Variants in WASF1 observed in about 807,000 individuals in gnomAD.
WASF1 encodes WASP family member 1, also known as actin-binding protein WASF1.
In WASF1, 7 loss-of-function variants were observed where a neutral mutation model predicts 50.5. The observed-to-expected ratio is 0.14, with a 90% CI of 0.08 to 0.26. WASF1 has a LOEUF of 0.26. WASF1 is among the 10% of genes least tolerant of loss of function. The probability of loss-of-function intolerance (pLI) is 1.00; values close to 1 mark genes in which losing one functional copy is unlikely to be tolerated. For synonymous variants in WASF1, 205 were observed against 244.0 expected (o/e 0.84, Z 1.49); for missense variants, 470 against 694.7 (o/e 0.68, Z 3.64).
chr6:110,105,667 C>T (rs778764165), intron 7 of WASF1, 88 bp from the exon 8 acceptor site: 11 of 1,243,610 alleles, frequency 8.8e-6, no homozygotes, highest in Non-Finnish European at 1.2e-5. Context: ...ACTCTAACAT[C>T]AACACTGAAA....
chr6:110,100,708 T>G (rs746861350), intron 10 of WASF1, 29 bp from the exon 11 acceptor site: 1 of 1,570,756 alleles, frequency 6.4e-7, no homozygotes, highest in African/African-American at 1.4e-5. Context: ...ACCATTCATT[T>G]AAATCAAAAT....
chr6:110,105,517 C>G lies in WASF1; in HGVS notation c.603G>C (p.Arg201=). ...CTTGGGCCAGCTTCTGCCATTCTCG[C>G]CGCCTGTCATGAGGTGCTCTTGGCA... ...EKVPRAPHDR[R]REWQKLAQGP... is the part of the protein sequence containing the mutation. Residue 201 remains arginine, a synonymous_variant, in exon 8 of 11, where the codon CGG becomes CGC. Coordinates refer to ENST00000392589, the MANE Select transcript of WASF1 (RefSeq NM_003931.3). 6.2e-7 allele frequency: 1 copy of G among 1,614,054 alleles called. No homozygotes were observed. Among genetic ancestry groups the G allele is most frequent in the South Asian group, 1.1e-5 (1 of 91,084 alleles).
At chr6:110,138,340 G>T (rs997944361) in intron 3 of WASF1, among the ~76,000 whole-genome samples, 5 of 152,260 alleles carry the variant, frequency 3.3e-5, no homozygotes, top group Admixed American at 2.0e-4. Flanking sequence ...GAAGCTCCTA[G>T]GTCTGGGATC....
intron 4 of WASF1, among the ~76,000 whole-genome samples, chr6:110,117,390 T>C (rs1013823329): frequency 1.1e-4 from 17 of 152,002 alleles, no homozygotes; most frequent in African/African-American, 4.1e-4. Context: ...GCTGATTTGA[T>C]CAAGTGGAAG....
chr6:110,110,584 C>G (rs1425121612), intron 5 of WASF1, among the ~76,000 whole-genome samples: 1 of 152,152 alleles, frequency 6.6e-6, no homozygotes, highest in Non-Finnish European at 1.5e-5. Flanking sequence ...TATTAACAGA[C>G]TATTGTGGTG....
chr6:110,101,729 T>C lies in WASF1; in HGVS notation c.1381A>G (p.Thr461Ala), dbSNP rs752594088. The C allele has an allele frequency of 2.5e-6, 4 of 1,613,946 alleles. No individual in the cohort carries two copies. In the Admixed American group the frequency reaches 6.7e-5, roughly 27 times the overall value. Residue 461 changes from threonine (T) to alanine (A), a missense_variant, in exon 10 of 11, where the codon ACT becomes GCT. Thr to Ala is a moderately conservative substitution (Grantham distance 58). Around this residue, in one of 3 missense-constraint regions of WASF1, gnomAD observed 294 missense variants for 343.5 expected, o/e 0.86. Transcript: ENST00000392589. ...PPSGLHPTPS[T>A]APGPHVPLMP... ...AATGGAACATGGGGACCTGGGGCAG[T>C]AGATGGAGTTGGATGTAGCCCAGAG...
intron 3 of WASF1, among the ~76,000 whole-genome samples, chr6:110,130,632 G>C (rs1774622787): frequency 6.6e-6 from 1 of 152,116 alleles, no homozygotes; most frequent in African/African-American, 2.4e-5. Flanking sequence ...TTAATGAATT[G>C]TTTCCAGTTT....
chr6:110,103,846 G>A (rs1334110347), intron 8 of WASF1, among the ~76,000 whole-genome samples: 2 of 152,250 alleles, frequency 1.3e-5, no homozygotes, highest in South Asian at 2.1e-4. Context: ...CATTACGTAC[G>A]TAATTTAATA....
At chr6:110,120,558 C>T (rs888732167) in intron 4 of WASF1, among the ~76,000 whole-genome samples, 4 of 152,172 alleles carry the variant, frequency 2.6e-5, no homozygotes, top group African/African-American at 9.7e-5. Context: ...AATGGAAGAA[C>T]ATTCCATGTT....
intron 3 of WASF1, among the ~76,000 whole-genome samples, chr6:110,150,328 G>T (rs961942261): frequency 6.6e-6 from 1 of 152,126 alleles, no homozygotes; most frequent in Non-Finnish European, 1.5e-5. Context: ...GTAGACTAAG[G>T]TAAATTATTA....
At chr6:110,124,132 T>C (rs1774258654) in intron 4 of WASF1, among the ~76,000 whole-genome samples, 1 of 150,290 alleles carries the variant, frequency 6.7e-6, no homozygotes, top group Non-Finnish European at 1.5e-5. Flanking sequence ...ACTAGGGAAA[T>C]GTGGTGAAGC....
chr6:110,149,490 A>G (rs1281710874), intron 3 of WASF1, among the ~76,000 whole-genome samples: 1 of 151,348 alleles, frequency 6.6e-6, no homozygotes, highest in Non-Finnish European at 1.5e-5. Flanking sequence ...GTCTTAAAAA[A>G]AAAAAAAAAA....
intron 5 of WASF1, among the ~76,000 whole-genome samples, chr6:110,110,498 A>T (rs1355930190): frequency 6.6e-6 from 1 of 152,216 alleles, no homozygotes; most frequent in Non-Finnish European, 1.5e-5. Context: ...TTGGTAAAGG[A>T]TGTAAGAAAC....
chr6:110,103,445 G>A lies in WASF1; in HGVS notation c.826C>T (p.His276Tyr). 2 of 1,614,050 alleles carry A rather than the reference G, an allele frequency of 1.2e-6. No homozygotes were observed. Among genetic ancestry groups the A allele is most frequent in the Non-Finnish European group, 8.5e-7 (1 of 1,179,952 alleles). ...ATTGGTGGAGGTGGAGGTGGTTCAT[G>A]TGGTCTGACTAATACCCTTTCCTCA... ...RAEERVLVRP[H>Y]EPPPPPPMHG... is the part of the protein sequence containing the mutation. The change falls in exon 9 of 11, where the codon CAT becomes TAT. Residue 276 changes from histidine (H) to tyrosine (Y), a missense_variant. His to Tyr is a moderately conservative substitution (Grantham distance 83, BLOSUM62 2). Around this residue, in one of 3 missense-constraint regions of WASF1, gnomAD observed 294 missense variants for 343.5 expected, o/e 0.86. Coordinates refer to ENST00000392589, the MANE Select transcript of WASF1 (RefSeq NM_003931.3).
intron 3 of WASF1, among the ~76,000 whole-genome samples, chr6:110,146,035 T>C (rs1355663919): frequency 2.6e-5 from 4 of 151,362 alleles, no homozygotes; most frequent in Non-Finnish European, 4.4e-5. Context: ...TAATGCTAAA[T>C]GACGAGTTAA....
chr6:110,114,844 C>CA (rs568806334), intron 4 of WASF1, among the ~76,000 whole-genome samples: 24 of 150,240 alleles, frequency 1.6e-4, no homozygotes, highest in Non-Finnish European at 3.1e-4. Context: ...GTAATCCTAG[C>CA]ACTTTGAAAG....
chr6:110,148,561 T>C (rs1211378705), intron 3 of WASF1, among the ~76,000 whole-genome samples: 3 of 152,116 alleles, frequency 2.0e-5, no homozygotes, highest in South Asian at 2.1e-4. Context: ...GAGCAAGCCA[T>C]CATGGGTGAA....
At position 110,134,576 on chromosome 6, in the gene WASF1, C is replaced by G. The variant is rs1022980616; in HGVS notation, c.-28-6947G>C. Among the ~76,000 whole-genome samples, 38 of 152,078 alleles carry G rather than the reference C, an allele frequency of 2.5e-4. 1 individual carries two copies. Among genetic ancestry groups the G allele is most frequent in the Admixed American group, 2.3e-3 (35 of 15,270 alleles). ...AGTAGCTAGGATTACAGGTGCCCAC[C>G]ACCACGCCTGGCTAATTTTTTTTAT... On this transcript the variant is annotated intron_variant, in intron 3 of 10. Coordinates refer to ENST00000392589, the MANE Select transcript of WASF1 (RefSeq NM_003931.3).
intron 5 of WASF1, among the ~76,000 whole-genome samples, chr6:110,109,101 T>C (rs568800807): frequency 6.6e-6 from 1 of 152,216 alleles, no homozygotes; most frequent in South Asian, 2.1e-4. Context: ...TACTTATTAG[T>C]GGCACTGTGG....
Sources: gnomAD v4.1 joint callset for allele counts (sites outside exome capture counted in the v4.1 genomes callset) on GRCh38, gnomAD v4.1.1 for gene constraint, gnomAD v4.1.1 regional missense constraint, MANE v1.5 for transcripts, NCBI Gene and HGNC (gene_info 2026-07-23, HGNC 2026-07-21) for gene names.